SHROOM2: variants seen among roughly 807,000 people sequenced by gnomAD.
SHROOM2 encodes protein Shroom2.
In SHROOM2, 33 loss-of-function variants were observed where a neutral mutation model predicts 75.9. The ratio of observed to expected loss-of-function variants is 0.43; its 90% CI spans 0.33 to 0.58. The LOEUF is 0.58. SHROOM2 is among the 20% of genes least tolerant of loss of function. The pLI, the probability that SHROOM2 is intolerant of heterozygous loss-of-function variation, is 0.04. For missense variants in SHROOM2, 1,434 were observed against 1,461.2 expected, an observed-to-expected ratio of 0.98 and a Z score of 0.30; for synonymous variants, 655 against 663.6, an observed-to-expected ratio of 0.99 and a Z score of 0.20.
intron 1 of SHROOM2, among the ~76,000 whole-genome samples, chrX:9,834,206 G>C (rs527851190): frequency 8.9e-6 from 1 of 112,020 alleles, no homozygotes; most frequent in African/African-American, 3.2e-5. Context: ...GAGCTGCAGC[G>C]CTGGACCTGT....
chrX:9,807,595 A>G (rs1417844792), intron 1 of SHROOM2, among the ~76,000 whole-genome samples: 1 of 112,554 alleles, frequency 8.9e-6, no homozygotes, highest in African/African-American at 3.2e-5. Context: ...ACCCGAGTTC[A>G]GGACTGCATG....
At chrX:9,822,632 G>A (rs939253746) in intron 1 of SHROOM2, among the ~76,000 whole-genome samples, 13 of 112,772 alleles carry the variant, frequency 1.2e-4, no homozygotes, top group East Asian at 2.8e-4. Flanking sequence ...TGGGGGAGGC[G>A]AGGGCTGAGC....
chrX:9,894,177 G>A (rs2084309698), intron 3 of SHROOM2, among the ~76,000 whole-genome samples, 181 bp from the exon 4 acceptor site: 2 of 111,210 alleles, frequency 1.8e-5, no homozygotes, highest in African/African-American at 6.5e-5. Context: ...CAGTTTCTCC[G>A]TGTCTCTACT....
At chrX:9,792,456 TG>T (rs201800136) in intron 1 of SHROOM2, among the ~76,000 whole-genome samples, 102 of 86,188 alleles carry the variant, frequency 1.2e-3, no homozygotes, top group Admixed American at 1.9e-3. Flanking sequence ...TTTTTTGTGT[TG>T]TTTTTTTTTT....
chrX:9,809,823 G>A (rs1221403481), intron 1 of SHROOM2, among the ~76,000 whole-genome samples: 3 of 111,210 alleles, frequency 2.7e-5, no homozygotes, highest in Admixed American at 9.6e-5. Context: ...CGTGCACCAC[G>A]ATGCCAGCCA....
chrX:9,817,454 G>A lies in SHROOM2; in HGVS notation c.165+30744G>A, dbSNP rs895694302. ...ACCCCAAAGCAAGTTCTCTCAGTAC[G>A]AAGCAACTACTGCGTACACACAAAA... On this transcript the variant is annotated intron_variant, in intron 1 of 9. Transcript: ENST00000380913. 4.5e-5 allele frequency among the ~76,000 whole-genome samples: 5 copies of A among 111,733 alleles called. No individual in the cohort carries two copies. In the Admixed American group the frequency reaches 4.8e-4, roughly 11 times the overall value.
At chrX:9,903,546 T>A (rs2084376001) in intron 5 of SHROOM2, among the ~76,000 whole-genome samples, 1 of 111,049 alleles carries the variant, frequency 9.0e-6, no homozygotes, top group South Asian at 3.8e-4. Context: ...TATGTCTTTT[T>A]TTGATGTTGT....
chrX:9,893,965 AAAC>A (rs1243448888), intron 3 of SHROOM2, among the ~76,000 whole-genome samples: 1 of 109,954 alleles, frequency 9.1e-6, no homozygotes, highest in South Asian at 3.9e-4. Flanking sequence ...AAAAAAAAAA[AAAC>A]CAAAATCAAC....
At chrX:9,839,943 C>T (rs1049969525) in intron 1 of SHROOM2, among the ~76,000 whole-genome samples, 1 of 111,597 alleles carries the variant, frequency 9.0e-6, no homozygotes, top group African/African-American at 3.3e-5. Flanking sequence ...CTCTGCTTTC[C>T]GAGTTTGGGT....
chrX:9,868,418 G>T (rs185572894), intron 1 of SHROOM2, among the ~76,000 whole-genome samples: 1 of 108,944 alleles, frequency 9.2e-6, no homozygotes, highest in Admixed American at 9.9e-5. Flanking sequence ...GCCAATTTTT[G>T]TATTTTTAGT....
At chrX:9,819,284 G>T in intron 1 of SHROOM2, 1 of 628,684 alleles carries the variant, frequency 1.6e-6, no homozygotes, top group Non-Finnish European at 2.5e-6. Flanking sequence ...CATTCACAAT[G>T]TAACAATGTA....
chrX:9,875,462 T>C (rs1223374280), intron 2 of SHROOM2, among the ~76,000 whole-genome samples: 1 of 111,740 alleles, frequency 8.9e-6, no homozygotes, highest in East Asian at 2.8e-4. Context: ...CAAGGCTGAC[T>C]GCAACTCCCT....
At chrX:9,889,317 G>T (rs1384369172) in intron 2 of SHROOM2, among the ~76,000 whole-genome samples, 2 of 112,465 alleles carry the variant, frequency 1.8e-5, no homozygotes, top group Non-Finnish European at 3.8e-5. Context: ...TTTGTAAAAT[G>T]TTCTTTATTG....
At chrX:9,858,880 T>A (rs958439794) in intron 1 of SHROOM2, among the ~76,000 whole-genome samples, 1 of 111,340 alleles carries the variant, frequency 9.0e-6, no homozygotes, top group Non-Finnish European at 1.9e-5. Flanking sequence ...GCTGGAAGCC[T>A]GCTGGCGGTG....
At chrX:9,835,333 C>T (rs2083938215) in intron 1 of SHROOM2, among the ~76,000 whole-genome samples, 1 of 112,030 alleles carries the variant, frequency 8.9e-6, no homozygotes, top group Non-Finnish European at 1.9e-5. Flanking sequence ...TCTCTTCCCT[C>T]CTCCCTGTCC....
chrX:9,875,377 G>A (rs1432609211), intron 2 of SHROOM2, among the ~76,000 whole-genome samples: 1 of 110,938 alleles, frequency 9.0e-6, no homozygotes, highest in Non-Finnish European at 1.9e-5. Flanking sequence ...AATGCCGGTG[G>A]TGGTGAGGGA....
chrX:9,840,950 G>T (rs2083976150), intron 1 of SHROOM2, among the ~76,000 whole-genome samples: 1 of 112,093 alleles, frequency 8.9e-6, no homozygotes, highest in African/African-American at 3.2e-5. Flanking sequence ...AAAGATTTTT[G>T]TTGTTGTTGT....
chrX:9,824,262 C>T (rs772274601), intron 1 of SHROOM2, among the ~76,000 whole-genome samples: 3 of 107,696 alleles, frequency 2.8e-5, no homozygotes, highest in South Asian at 8.3e-4. Flanking sequence ...GGAGAAACCT[C>T]GCCTCTACTA....
At chrX:9,875,110 A>AAAAAAAAAAAAAAAAAAAAAAAAG (rs2084192753) in intron 2 of SHROOM2, among the ~76,000 whole-genome samples, 1 of 93,116 alleles carries the variant, frequency 1.1e-5, no homozygotes, top group Non-Finnish European at 2.1e-5. Context: ...AAAAAAAAAA[A>AAAAAAAAAAAAAAAAAAAAAAAAG]GGGGAGGAAG....
Sources: allele counts gnomAD v4.1 joint callset (sites outside exome capture counted in the v4.1 genomes callset), GRCh38; gene constraint gnomAD v4.1.1; transcripts MANE v1.5; gene names NCBI Gene and HGNC (gene_info 2026-07-23, HGNC 2026-07-21).